IFT52: variants seen among roughly 807,000 people sequenced by gnomAD.
IFT52 encodes the protein intraflagellar transport protein 52 homolog.
A neutral mutation model predicts 54.4 loss-of-function variants in IFT52; 44 were observed. The observed-to-expected ratio is 0.81, with a 90% confidence interval of 0.63 to 1.04. The LOEUF is 1.04. Among genes scored for constraint, IFT52 ranks in the 50% least tolerant of loss-of-function variants. The pLI, the probability that IFT52 is intolerant of heterozygous loss-of-function variation, is 0.00. For synonymous variants in IFT52, 181 were observed against 185.3 expected, an observed-to-expected ratio of 0.98 and a Z score of 0.19; for missense variants, 452 against 523.6, an observed-to-expected ratio of 0.86 and a Z score of 1.33.
At chr20:43,621,196 A>C (rs1486538664) in intron 9 of IFT52, 5 of 289,064 alleles carry the variant, frequency 1.7e-5, no homozygotes. Context: ...ACTCTGGCCC[A>C]GACTTTCAAA....
chr20:43,595,984 G>T lies in IFT52; in HGVS notation c.120-451G>T, dbSNP rs743996. On this transcript the variant is annotated intron_variant, in intron 2 of 13. Transcript: ENST00000373030. ...TTGTTTTCCAAATCACAAGCCAAAA[G>T]ATTATTCTAATTATACACATGTAGC... Among the ~76,000 whole-genome samples the T allele has an allele frequency of 4.6e-3, 698 of 152,346 alleles. 2 individuals are homozygous for T. Among genetic ancestry groups the T allele is most frequent in the Non-Finnish European group, 6.9e-3 (470 of 68,028 alleles).
chr20:43,619,987 G>C (rs1232381705), intron 8 of IFT52, among the ~76,000 whole-genome samples: 1 of 127,928 alleles, frequency 7.8e-6, no homozygotes, highest in African/African-American at 3.0e-5. Flanking sequence ...CACCACCTCA[G>C]CTCACTGCAA....
chr20:43,597,097 C>T (rs1311104074), intron 3 of IFT52, among the ~76,000 whole-genome samples: 9 of 151,036 alleles, frequency 6.0e-5, no homozygotes, highest in South Asian at 2.1e-4. Flanking sequence ...TTCCGCCAGG[C>T]GCGGTGGCTC....
At chr20:43,631,776 C>T (rs776534158) in intron 10 of IFT52, among the ~76,000 whole-genome samples, 2 of 152,114 alleles carry the variant, frequency 1.3e-5, no homozygotes, top group African/African-American at 2.4e-5. Flanking sequence ...AAATGCCGGG[C>T]ACCCTTCTGC....
intron 1 of IFT52, among the ~76,000 whole-genome samples, chr20:43,593,538 T>C (rs1188220165): frequency 6.6e-6 from 1 of 152,176 alleles, no homozygotes; most frequent in Non-Finnish European, 1.5e-5. Flanking sequence ...TTATGGTAGA[T>C]CCATAAAATG....
chr20:43,605,960 C>A (rs1442081838), intron 6 of IFT52, among the ~76,000 whole-genome samples: 11 of 152,116 alleles, frequency 7.2e-5, no homozygotes, highest in Admixed American at 5.2e-4. Context: ...GTAGCTCACT[C>A]CTGTAATTGC....
chr20:43,610,405 A>C (rs1317646487), intron 6 of IFT52, among the ~76,000 whole-genome samples: 1 of 152,132 alleles, frequency 6.6e-6, no homozygotes, highest in Non-Finnish European at 1.5e-5. Flanking sequence ...TATGTATAGC[A>C]ATATAATTCA....
chr20:43,604,322 A>C, intron 5 of IFT52, 64 bp downstream of exon 5: 1 of 1,243,966 alleles, frequency 8.0e-7, no homozygotes, highest in Non-Finnish European at 1.2e-6. Flanking sequence ...TAATCCCAGC[A>C]CTTTGGGAAG....
chr20:43,638,193 ATT>A (rs10710648), intron 12 of IFT52, among the ~76,000 whole-genome samples: 4,878 of 146,538 alleles, frequency 0.033, 103 homozygotes, highest in Non-Finnish European at 0.047. Context: ...AGGAGATTAT[ATT>A]TTTTTTTTTT....
At chr20:43,607,536 G>A (rs192661749) in intron 6 of IFT52, among the ~76,000 whole-genome samples, 9 of 148,936 alleles carry the variant, frequency 6.0e-5, no homozygotes, top group East Asian at 4.0e-4. Flanking sequence ...CAGACGGGGC[G>A]GCGTGGCAGA....
chr20:43,638,192 TA>T (rs1162515860), intron 12 of IFT52, among the ~76,000 whole-genome samples: 20 of 44,900 alleles, frequency 4.5e-4, no homozygotes, highest in African/African-American at 3.7e-3. Context: ...AAGGAGATTA[TA>T]TTTTTTTTTT....
chr20:43,606,639 G>C (rs961032126), intron 6 of IFT52, among the ~76,000 whole-genome samples: 17 of 151,982 alleles, frequency 1.1e-4, no homozygotes, highest in African/African-American at 4.1e-4. Context: ...CGCAGAGGGG[G>C]ATTTGGCAGG....
intron 12 of IFT52, among the ~76,000 whole-genome samples, chr20:43,639,560 C>CT (rs1985773017): frequency 6.6e-6 from 1 of 152,208 alleles, no homozygotes; most frequent in African/African-American, 2.4e-5. Context: ...ATCCCAGCTA[C>CT]TGGGGAGGCT....
intron 10 of IFT52, among the ~76,000 whole-genome samples, chr20:43,626,022 GAAAAAA>G (rs11403788): frequency 2.1e-5 from 2 of 96,688 alleles, no homozygotes; most frequent in African/African-American, 4.0e-5. Context: ...CTTGTCTCCG[GAAAAAA>G]AAAAAAAAAA....
intron 6 of IFT52, among the ~76,000 whole-genome samples, chr20:43,606,042 G>A (rs868128037): frequency 2.6e-5 from 4 of 152,084 alleles, no homozygotes; most frequent in Non-Finnish European, 4.4e-5. Flanking sequence ...CTAACATGGC[G>A]AAACCCCGTC....
Position 43,617,040 on chromosome 20 carries a change from CT to C in IFT52, c.613-1891del, listed in dbSNP as rs537255149. 8.7e-3 allele frequency among the ~76,000 whole-genome samples: 1,311 copies of C among 151,150 alleles called. 18 individuals carry two copies. Among genetic ancestry groups the C allele is most frequent in the African/African-American group, 0.029 (1,216 of 41,236 alleles). ...AAAATGGGAAAAAAATTATAGTATA[CT>C]TTTTTTTTAACCGAATGATGTGTTG... On this transcript the variant is annotated intron_variant, in intron 7 of 13. Coordinates refer to ENST00000373030, the MANE Select transcript of IFT52 (RefSeq NM_016004.5).
intron 1 of IFT52, among the ~76,000 whole-genome samples, chr20:43,591,797 G>T (rs530763473): frequency 6.6e-6 from 1 of 152,250 alleles, no homozygotes; most frequent in Admixed American, 6.5e-5. Context: ...TGGCTACTTG[G>T]TAGGCTGAGG....
intron 10 of IFT52, among the ~76,000 whole-genome samples, chr20:43,627,040 G>A: frequency 6.6e-6 from 1 of 151,960 alleles, no homozygotes; most frequent in East Asian, 1.9e-4. Context: ...GGTGGCACAC[G>A]CCTGTAGTCC....
At chr20:43,626,837 C>T (rs1200121874) in intron 10 of IFT52, among the ~76,000 whole-genome samples, 1 of 152,040 alleles carries the variant, frequency 6.6e-6, no homozygotes, top group Non-Finnish European at 1.5e-5. Flanking sequence ...CTATTGAGCC[C>T]TGGGGCACCC....
Sources: allele counts gnomAD v4.1 joint callset (sites outside exome capture counted in the v4.1 genomes callset), GRCh38; gene constraint gnomAD v4.1.1; transcripts MANE v1.5; gene names NCBI Gene and HGNC (gene_info 2026-07-23, HGNC 2026-07-21).